FIBIN: variants seen among roughly 807,000 people sequenced by gnomAD.
FIBIN encodes the protein fin bud initiation factor homolog (zebrafish).
Under a neutral mutation model 13.0 loss-of-function variants are expected in FIBIN, and 8 were observed. That is an observed-to-expected ratio of 0.62 (90% CI 0.36 to 1.11). The LOEUF (loss-of-function observed/expected upper bound fraction) is 1.11, where lower values mean the gene tolerates loss of function less well. FIBIN is among the 50% of genes most tolerant of loss of function. The probability of loss-of-function intolerance (pLI) is 0.02; values close to 1 mark genes in which losing one functional copy is unlikely to be tolerated. For synonymous variants in FIBIN, 127 were observed against 114.7 expected, an observed-to-expected ratio of 1.11 and a Z score of -0.69; for missense variants, 261 against 260.2, an observed-to-expected ratio of 1.00 and a Z score of -0.02.
At position 26,994,805 on chromosome 11, in the gene FIBIN, T is replaced by A; in HGVS notation, c.279T>A (p.Asp93Glu). The A allele has an allele frequency of 1.2e-6, 2 of 1,606,716 alleles. No homozygotes were observed. The highest frequency in any genetic ancestry group is 8.5e-7 in the Non-Finnish European group (1 of 1,175,516). The change falls in exon 1 of 1, where the codon GAT becomes GAA. Residue 93 changes from aspartate (D) to glutamate (E), a missense_variant. Physicochemically the swap from Asp to Glu is conservative, Grantham distance 45 (BLOSUM62 2). Transcript: ENST00000318627. ...CCGTGCTGGGCCGCCAGGTGGAGGA[T>A]GCTGGGCGCGTGCTGGAGGGCATCA... ...EFTVLGRQVE[D>E]AGRVLEGISK... is the part of the protein sequence containing the mutation.
chr11:26,995,513 C>T lies in FIBIN; in HGVS notation c.*351C>T. 5.0e-6 allele frequency: 1 copy of T among 198,432 alleles called. No individual in the cohort carries two copies. 12.3% of individuals were successfully genotyped at this position (198,432 alleles called of 1,614,324 possible). On this transcript the variant is annotated 3_prime_UTR_variant, in exon 1 of 1. Coordinates refer to ENST00000318627, the MANE Select transcript of FIBIN (RefSeq NM_203371.2). Reference sequence around the variant, plus strand: ...TATGTGGTGCGGAATTAAACTTCCCCATCCTGCAGATTATGTGGAAATACC... The same window carrying T: ...TATGTGGTGCGGAATTAAACTTCCCTATCCTGCAGATTATGTGGAAATACC...
rs1850908862 is a variant in FIBIN at position 26,994,939 on chromosome 11, C to G, written c.413C>G (p.Thr138Ser). The G allele has an allele frequency of 6.2e-7, 1 of 1,611,738 alleles. No individual in the cohort carries two copies. The highest frequency in any genetic ancestry group is 8.5e-7 in the Non-Finnish European group (1 of 1,178,846). Residue 138 changes from threonine to serine, a missense_variant, in exon 1 of 1, where the codon ACT (threonine) becomes AGT (serine). Thr to Ser is a moderately conservative substitution (Grantham distance 58). Coordinates refer to ENST00000318627, the MANE Select transcript of FIBIN (RefSeq NM_203371.2). ...DAYSNSDKSLTELESKFKQGQ... is the reference protein window; with the variant it reads ...DAYSNSDKSLSELESKFKQGQ... ...TACTCCAACTCGGACAAATCCCTCA[C>G]TGAGCTGGAGAGCAAGTTCAAGCAG... is the stretch of plus-strand genomic sequence containing the variant.
rs940767906 is a variant in FIBIN at position 26,995,660 on chromosome 11, A to G, written c.*498A>G. ...TGCTGCTTTGCATGCCTGCCAACCC[A>G]TGGAAGTTGTTTCTTACTTCTTTTC... is the stretch of plus-strand genomic sequence containing the variant. On this transcript the variant is annotated 3_prime_UTR_variant, in exon 1 of 1. Transcript: ENST00000318627. 6.0e-6 allele frequency: 1 copy of G among 167,542 alleles called. No homozygotes were observed. 10.4% of individuals were successfully genotyped at this position (167,542 alleles called of 1,614,324 possible). A position where few individuals can be genotyped will look rare whatever the true frequency, so the allele number is the denominator to read the frequency against.
chr11:26,994,280 G>A lies in FIBIN; in HGVS notation c.-247G>A. The A allele has an allele frequency of 2.2e-6, 1 of 447,624 alleles. No homozygotes were observed. The highest frequency in any genetic ancestry group is 4.9e-5 in the South Asian group (1 of 20,316). 27.7% of individuals were successfully genotyped at this position (447,624 alleles called of 1,614,324 possible). A position where few individuals can be genotyped will look rare whatever the true frequency, so the allele number is the denominator to read the frequency against. ...GTTCCCCGCTACGCCTGTGCCGGAG[G>A]AGTTCCAGTCACCGAGCGAGGGGCG... On this transcript the variant is annotated 5_prime_UTR_variant, in exon 1 of 1. Transcript: ENST00000318627.
At position 26,996,883 on chromosome 11, in the gene FIBIN, C is replaced by T. The variant is rs1024344885; in HGVS notation, c.*1721C>T. Among the ~76,000 whole-genome samples, 2 of 152,030 alleles carry T rather than the reference C, an allele frequency of 1.3e-5. No homozygotes were observed. The highest frequency in any genetic ancestry group is 2.4e-5 in the African/African-American group (1 of 41,390). ...ATACTGAAAAATGAGAGAGAGTGGT[C>T]GAATGCCTGAAATTTTGCTTAACTT... On this transcript the variant is annotated 3_prime_UTR_variant, in exon 1 of 1. Coordinates refer to ENST00000318627, the MANE Select transcript of FIBIN (RefSeq NM_203371.2).
chr11:26,995,355 GTT>G lies in FIBIN; in HGVS notation c.*197_*198del, dbSNP rs1850915987. On this transcript the variant is annotated 3_prime_UTR_variant, in exon 1 of 1. Coordinates refer to ENST00000318627, the MANE Select transcript of FIBIN (RefSeq NM_203371.2). ...CTTGAGTGACTTTGTTTTTAGTTTT[GTT>G]TTTGTACATTATTTATGTGATTGTT... 1 of 542,550 alleles carries G rather than the reference GTT, an allele frequency of 1.8e-6. No individual in the cohort carries two copies. 33.6% of individuals were successfully genotyped at this position (542,550 alleles called of 1,614,324 possible).
In FIBIN at chr11:26,996,159, T is replaced by C. The variant is rs1850925836; in HGVS notation, c.*997T>C. 1 of 166,914 alleles carries C rather than the reference T, an allele frequency of 6.0e-6. No homozygotes were observed. The highest frequency in any genetic ancestry group is 6.5e-5 in the Admixed American group (1 of 15,292). The allele number at this position is 166,914 out of a possible 1,614,324, so 10.3% of individuals were successfully genotyped here. On this transcript the variant is annotated 3_prime_UTR_variant, in exon 1 of 1. Transcript: ENST00000318627. ...TTGTAATTTACATCTGTAACTTTCATATTTCTAAAAGGGGCCAATGCAAAA... is the reference window on the plus strand; with the variant it reads ...TTGTAATTTACATCTGTAACTTTCACATTTCTAAAAGGGGCCAATGCAAAA...
At position 26,995,272 on chromosome 11, in the gene FIBIN, C is replaced by A; in HGVS notation, c.*110C>A. 1 of 1,093,790 alleles carries A rather than the reference C, an allele frequency of 9.1e-7. No homozygotes were observed. The highest frequency in any genetic ancestry group is 1.3e-6 in the Non-Finnish European group (1 of 775,806). The allele number at this position is 1,093,790 out of a possible 1,614,324, so 67.8% of individuals were successfully genotyped here. On this transcript the variant is annotated 3_prime_UTR_variant, in exon 1 of 1. Transcript: ENST00000318627. ...CCCATACCTACTATTTTTTTATATC[C>A]CGATTTGCACTTTGAGAATACATCT...
Position 26,994,411 on chromosome 11 carries a change from G to T in FIBIN, c.-116G>T. On this transcript the variant is annotated 5_prime_UTR_variant, in exon 1 of 1. Coordinates refer to ENST00000318627, the MANE Select transcript of FIBIN (RefSeq NM_203371.2). ...CTGGGGGCCAGGGAGCAGCAAGCCA[G>T]CTGGGACTGAGGCGGACGCTGTCTC... 9.8e-7 allele frequency: 1 copy of T among 1,025,446 alleles called. No individual in the cohort carries two copies. The highest frequency in any genetic ancestry group is 1.4e-6 in the Non-Finnish European group (1 of 703,382). The allele number at this position is 1,025,446 out of a possible 1,614,324, so 63.5% of individuals were successfully genotyped here. A position where few individuals can be genotyped will look rare whatever the true frequency, so the allele number is the denominator to read the frequency against.
In FIBIN at chr11:26,994,695, A is replaced by G. The variant is rs1016614965; in HGVS notation, c.169A>G (p.Arg57Gly). 7 of 1,612,706 alleles carry G rather than the reference A, an allele frequency of 4.3e-6. No homozygotes were observed. Among genetic ancestry groups the G allele is most frequent in the Non-Finnish European group, 5.9e-6 (7 of 1,179,780 alleles). ...CCCCGAGAAGTGCCAGCTGCTCTTCAGGGTGAGTGACCACAGGCGCTGCTC... is the reference window on the plus strand; with the variant it reads ...CCCCGAGAAGTGCCAGCTGCTCTTCGGGGTGAGTGACCACAGGCGCTGCTC... Reference protein sequence around the residue: ...DDPEKCQLLFRVSDHRRCSQG... With the variant: ...DDPEKCQLLFGVSDHRRCSQG... Residue 57 changes from arginine (R) to glycine (G), a missense_variant, in exon 1 of 1, where the codon AGG becomes GGG. Arg to Gly is a moderately radical substitution (Grantham distance 125). Transcript: ENST00000318627.
chr11:26,994,338 G>A lies in FIBIN; in HGVS notation c.-189G>A, dbSNP rs910707207. 9.2e-6 allele frequency: 5 copies of A among 543,104 alleles called. No homozygotes were observed. The highest frequency in any genetic ancestry group is 7.7e-5 in the African/African-American group (4 of 52,102). The allele number at this position is 543,104 out of a possible 1,614,324, so 33.6% of individuals were successfully genotyped here. A position where few individuals can be genotyped will look rare whatever the true frequency, so the allele number is the denominator to read the frequency against. On this transcript the variant is annotated 5_prime_UTR_variant, in exon 1 of 1. Coordinates refer to ENST00000318627, the MANE Select transcript of FIBIN (RefSeq NM_203371.2). ...GGGTGCATCCTGCGCTGCGGCGGGCGCGCTACCCAGACGCTGGTGTGCAGA... is the reference window on the plus strand; with the variant it reads ...GGGTGCATCCTGCGCTGCGGCGGGCACGCTACCCAGACGCTGGTGTGCAGA...
Position 26,995,038 on chromosome 11 carries a change from C to T in FIBIN, c.512C>T (p.Ser171Phe). 1 of 1,614,034 alleles carries T rather than the reference C, an allele frequency of 6.2e-7. No individual in the cohort carries two copies. ...DFLGMLVHTR[S>F]LLKETLDISV... ...CTGGGAATGCTGGTCCACACCAGGT[C>T]CCTGCTGAAGGAGACACTGGACATC... Residue 171 changes from serine to phenylalanine, a missense_variant, in exon 1 of 1, where the codon TCC becomes TTC. Physicochemically the swap from Ser to Phe is radical, Grantham distance 155. Coordinates refer to ENST00000318627, the MANE Select transcript of FIBIN (RefSeq NM_203371.2).
In FIBIN at chr11:26,994,771, A is replaced by T; in HGVS notation, c.245A>T (p.Glu82Val). Residue 82 changes from glutamate (E) to valine (V), a missense_variant, in exon 1 of 1, where the codon GAG (glutamate) becomes GTG (valine). Physicochemically the swap from Glu to Val is moderately radical, Grantham distance 121 (BLOSUM62 -2). Coordinates refer to ENST00000318627, the MANE Select transcript of FIBIN (RefSeq NM_203371.2). ...AGCCTGCTGAGCCTCACCCTGCGGG[A>T]GGAGTTCACCGTGCTGGGCCGCCAG... ...VGSLLSLTLR[E>V]EFTVLGRQVE... 2.5e-6 allele frequency: 4 copies of T among 1,612,556 alleles called. No individual in the cohort carries two copies. The highest frequency in any genetic ancestry group is 2.2e-5 in the East Asian group (1 of 44,780).
rs774804006 is a variant in FIBIN at position 26,994,778 on chromosome 11, C to T, written c.252C>T (p.Phe84=). 2 of 1,612,068 alleles carry T rather than the reference C, an allele frequency of 1.2e-6. No homozygotes were observed. The highest frequency in any genetic ancestry group is 1.7e-6 in the Non-Finnish European group (2 of 1,178,822). The change falls in exon 1 of 1, where the codon TTC becomes TTT. Residue 84 remains phenylalanine, a synonymous_variant. Transcript: ENST00000318627. ...TGAGCCTCACCCTGCGGGAGGAGTT[C>T]ACCGTGCTGGGCCGCCAGGTGGAGG... ...SLLSLTLREE[F]TVLGRQVEDA...
rs190230143 is a variant in FIBIN at position 26,994,492 on chromosome 11, C to T, written c.-35C>T. 16 of 1,557,460 alleles carry T rather than the reference C, an allele frequency of 1.0e-5. No individual in the cohort carries two copies. The African/African-American group carries it at 2.1e-4, about 20-fold the overall frequency. ...TTCCTTGTGCCTGGGTAAAAAGTCT[C>T]CTCCTGGGGTCCCTGGCCATCCTGA... On this transcript the variant is annotated 5_prime_UTR_variant, in exon 1 of 1. Coordinates refer to ENST00000318627, the MANE Select transcript of FIBIN (RefSeq NM_203371.2).
chr11:26,994,791 C>A lies in FIBIN; in HGVS notation c.265C>A (p.Arg89Ser). 1 of 1,609,198 alleles carries A rather than the reference C, an allele frequency of 6.2e-7. No homozygotes were observed. The highest frequency in any genetic ancestry group is 8.5e-7 in the Non-Finnish European group (1 of 1,176,948). ...TLREEFTVLGRQVEDAGRVLE... is the reference protein window; with the variant it reads ...TLREEFTVLGSQVEDAGRVLE... ...GCGGGAGGAGTTCACCGTGCTGGGC[C>A]GCCAGGTGGAGGATGCTGGGCGCGT... The change falls in exon 1 of 1, where the codon CGC becomes AGC. Residue 89 changes from arginine (R) to serine (S), a missense_variant. Physicochemically the swap from Arg to Ser is moderately radical, Grantham distance 110. Coordinates refer to ENST00000318627, the MANE Select transcript of FIBIN (RefSeq NM_203371.2).
In FIBIN at chr11:26,994,910, T is replaced by G; in HGVS notation, c.384T>G (p.Asp128Glu). ...YLRRESHQIG[D>E]AYSNSDKSLT... The stretch of plus-strand genomic sequence containing the variant: ...GGCGGGAGTCCCACCAGATCGGGGA[T>G]GCCTACTCCAACTCGGACAAATCCC... The change falls in exon 1 of 1, where the codon GAT (aspartate) becomes GAG (glutamate). Residue 128 changes from aspartate (D) to glutamate (E), a missense_variant. Coordinates refer to ENST00000318627, the MANE Select transcript of FIBIN (RefSeq NM_203371.2). 3 of 1,606,298 alleles carry G rather than the reference T, an allele frequency of 1.9e-6. No homozygotes were observed. The highest frequency in any genetic ancestry group is 2.6e-6 in the Non-Finnish European group (3 of 1,175,872).
rs1850923766 is a variant in FIBIN, at chr11:26,996,036, CT to C, written c.*876del. 6.0e-6 allele frequency: 1 copy of C among 166,614 alleles called. No homozygotes were observed. Among genetic ancestry groups the C allele is most frequent in the Admixed American group, 6.5e-5 (1 of 15,280 alleles). The allele number at this position is 166,614 out of a possible 1,614,324, so 10.3% of individuals were successfully genotyped here. On this transcript the variant is annotated 3_prime_UTR_variant, in exon 1 of 1. Transcript: ENST00000318627. ...CTTCTGTCTGTCTGTTTATTGGAAA[CT>C]TGTACTTCAAGTAGGGGGAATCCTA...
chr11:26,994,707 C>G lies in FIBIN; in HGVS notation c.181C>G (p.His61Asp), dbSNP rs1262040869. Residue 61 changes from histidine to aspartate, a missense_variant, in exon 1 of 1, where the codon CAC (histidine) becomes GAC (aspartate). Physicochemically the swap from His to Asp is moderately conservative, Grantham distance 81. Coordinates refer to ENST00000318627, the MANE Select transcript of FIBIN (RefSeq NM_203371.2). ...KCQLLFRVSD[H>D]RRCSQGEGSQ... ...CCAGCTGCTCTTCAGGGTGAGTGAC[C>G]ACAGGCGCTGCTCCCAGGGGGAGGG... 4 of 1,613,422 alleles carry G rather than the reference C, an allele frequency of 2.5e-6. No individual in the cohort carries two copies. The African/African-American group carries it at 5.4e-5, about 22-fold the overall frequency.
Sources: allele counts gnomAD v4.1 joint callset (sites outside exome capture counted in the v4.1 genomes callset), GRCh38; gene constraint gnomAD v4.1.1; transcripts MANE v1.5; gene names NCBI Gene and HGNC (gene_info 2026-07-23, HGNC 2026-07-21).